Variants in CDH12 observed in about 807,000 individuals in gnomAD.
CDH12 encodes the protein cadherin-12.
In CDH12, 41 loss-of-function variants were observed where a neutral mutation model predicts 74.1. The observed-to-expected ratio is 0.55, with a 90% CI of 0.43 to 0.72. CDH12 has a LOEUF of 0.72. Among genes scored for constraint, CDH12 ranks in the 30% least tolerant of loss-of-function variants. CDH12 has a pLI of 0.00. For synonymous variants in CDH12, 399 were observed against 355.0 expected (o/e 1.12, Z -1.39); for missense variants, 945 against 977.2 (o/e 0.97, Z 0.44).
chr5:22,121,993 A>G (rs961766556), intron 4 of CDH12, among the ~76,000 whole-genome samples: 3 of 152,074 alleles, frequency 2.0e-5, no homozygotes, highest in African/African-American at 7.2e-5. Context: ...CAGATCCTTC[A>G]CCCATGCCTG....
chr5:22,781,772 A>G (rs1391855951), intron 1 of CDH12, among the ~76,000 whole-genome samples: 1 of 152,104 alleles, frequency 6.6e-6, no homozygotes, highest in Non-Finnish European at 1.5e-5. Flanking sequence ...TAGGGATACT[A>G]TTGAATAGCA....
intron 3 of CDH12, among the ~76,000 whole-genome samples, chr5:22,292,995 C>T (rs1324118187): frequency 2.0e-5 from 1 of 51,254 alleles, no homozygotes; most frequent in Non-Finnish European, 5.8e-5. Context: ...AACTTGTAAC[C>T]CACATCCATT....
intron 11 of CDH12, among the ~76,000 whole-genome samples, chr5:21,774,145 G>A (rs1002407164): frequency 1.3e-5 from 2 of 152,094 alleles, no homozygotes; most frequent in Non-Finnish European, 2.9e-5. Flanking sequence ...TAACATTTGA[G>A]TCAGTAGAAT....
intron 1 of CDH12, among the ~76,000 whole-genome samples, chr5:22,848,989 GT>G (rs149955739): frequency 1.6e-4 from 24 of 147,690 alleles, no homozygotes; most frequent in African/African-American, 5.7e-4. Flanking sequence ...ATCAAAAAAT[GT>G]TTTTTTTTTA....
intron 8 of CDH12, among the ~76,000 whole-genome samples, chr5:21,826,353 C>A (rs1293874485): frequency 6.6e-6 from 1 of 152,144 alleles, no homozygotes; most frequent in Non-Finnish European, 1.5e-5. Context: ...GTATTTCCAC[C>A]TCTCCAGTTC....
intron 1 of CDH12, among the ~76,000 whole-genome samples, chr5:22,664,201 AT>A: frequency 1.3e-5 from 2 of 152,338 alleles, no homozygotes; most frequent in South Asian, 4.1e-4. Flanking sequence ...GCAATTATTA[AT>A]AACAGAGATA....
At chr5:22,832,941 A>G (rs1326521586) in intron 1 of CDH12, among the ~76,000 whole-genome samples, 1 of 152,200 alleles carries the variant, frequency 6.6e-6, no homozygotes. Context: ...TTAAATTTTT[A>G]AAATGAGCAT....
At chr5:21,876,360 TCTCTCACTCTACATGCCTAA>T (rs1198847333) in intron 6 of CDH12, among the ~76,000 whole-genome samples, 1 of 152,206 alleles carries the variant, frequency 6.6e-6, no homozygotes, top group African/African-American at 2.4e-5. Flanking sequence ...CCTGATTTTG[TCTCTCACTCTACATGCCTAA>T]CTCTACAATC....
chr5:22,718,647 G>A (rs1222360274), intron 1 of CDH12, among the ~76,000 whole-genome samples: 1 of 152,196 alleles, frequency 6.6e-6, no homozygotes, highest in African/African-American at 2.4e-5. Context: ...AGGGTCACTC[G>A]ATATCAGTCT....
intron 3 of CDH12, among the ~76,000 whole-genome samples, chr5:22,254,656 A>C (rs1753253207): frequency 6.6e-6 from 1 of 151,874 alleles, no homozygotes; most frequent in South Asian, 2.1e-4. Flanking sequence ...GTACGTCTGA[A>C]CTTAAAATAA....
At chr5:22,624,739 G>A (rs1173132837) in intron 1 of CDH12, among the ~76,000 whole-genome samples, 1 of 152,210 alleles carries the variant, frequency 6.6e-6, no homozygotes, top group African/African-American at 2.4e-5. Context: ...AACTATTGTG[G>A]AAGACAGTGT....
chr5:21,891,278 T>C (rs1054080524), intron 6 of CDH12, among the ~76,000 whole-genome samples: 1 of 152,032 alleles, frequency 6.6e-6, no homozygotes, highest in Admixed American at 6.6e-5. Context: ...CTAGTCACCT[T>C]TTTACATCTA....
At chr5:21,769,984 G>T (rs1745232034) in intron 11 of CDH12, among the ~76,000 whole-genome samples, 1 of 152,118 alleles carries the variant, frequency 6.6e-6, no homozygotes, top group South Asian at 2.1e-4. Flanking sequence ...TCTTCTCACA[G>T]TTTCTCAACG....
chr5:22,175,655 G>A (rs532502830), intron 4 of CDH12, among the ~76,000 whole-genome samples: 8 of 152,118 alleles, frequency 5.3e-5, no homozygotes, highest in Non-Finnish European at 1.0e-4. Flanking sequence ...GGACATGCCT[G>A]TAAAAGGAAT....
At chr5:22,118,094 A>G (rs967997447) in intron 4 of CDH12, among the ~76,000 whole-genome samples, 3 of 152,156 alleles carry the variant, frequency 2.0e-5, no homozygotes, top group African/African-American at 7.2e-5. Flanking sequence ...TTCCTAAGAA[A>G]TATAAGTCAA....
At chr5:22,036,049 C>T (rs957999741) in intron 5 of CDH12, among the ~76,000 whole-genome samples, 9 of 152,084 alleles carry the variant, frequency 5.9e-5, no homozygotes, top group African/African-American at 2.2e-4. Flanking sequence ...ATATAAGGGC[C>T]ATTAACTGTC....
chr5:21,873,916 C>T (rs1032107021), intron 6 of CDH12, among the ~76,000 whole-genome samples: 2 of 131,636 alleles, frequency 1.5e-5, no homozygotes, highest in African/African-American at 2.8e-5. Context: ...TCACCCATGT[C>T]CCTGCAAAGA....
rs551014637 is a variant in CDH12, at chr5:22,264,607, G to A, written c.-332-51964C>T. 2.0e-5 allele frequency among the ~76,000 whole-genome samples: 3 copies of A among 152,222 alleles called. No individual in the cohort carries two copies. In the East Asian group the frequency reaches 5.8e-4, roughly 29 times the overall value. On this transcript the variant is annotated intron_variant, in intron 3 of 14. Transcript: ENST00000382254. ...GAGGTTGTTGTGAGGAGATATGATTGGGAATGGCCATGACAGCTGGATCAC... is the reference window on the plus strand; with the variant it reads ...GAGGTTGTTGTGAGGAGATATGATTAGGAATGGCCATGACAGCTGGATCAC...
At chr5:21,919,782 G>T (rs1754269502) in intron 6 of CDH12, among the ~76,000 whole-genome samples, 1 of 152,128 alleles carries the variant, frequency 6.6e-6, no homozygotes, top group African/African-American at 2.4e-5. Context: ...ACTATTTAAA[G>T]ATCATGATAA....
Sources: allele counts gnomAD v4.1 joint callset (sites outside exome capture counted in the v4.1 genomes callset), GRCh38; gene constraint gnomAD v4.1.1; transcripts MANE v1.5; gene names NCBI Gene and HGNC (gene_info 2026-07-23, HGNC 2026-07-21).